UBE3D: variants seen among roughly 807,000 people sequenced by gnomAD.
UBE3D encodes E3 ubiquitin-protein ligase E3D.
UBE3D carries 48 observed loss-of-function variants against 49.6 expected under a neutral mutation model. The ratio of observed to expected loss-of-function variants is 0.97; its 90% CI spans 0.77 to 1.23. UBE3D has a LOEUF of 1.23. Among genes scored for constraint, UBE3D ranks in the 50% most tolerant of loss-of-function variants. The pLI, the probability that UBE3D is intolerant of heterozygous loss-of-function variation, is 0.00. For synonymous variants in UBE3D, 189 were observed against 174.2 expected, an observed-to-expected ratio of 1.08 and a Z score of -0.67; for missense variants, 452 against 468.4, an observed-to-expected ratio of 0.96 and a Z score of 0.32.
chr6:82,968,475 C>T (rs1005072075), intron 8 of UBE3D, among the ~76,000 whole-genome samples: 2 of 152,168 alleles, frequency 1.3e-5, no homozygotes, highest in African/African-American at 4.8e-5. Flanking sequence ...TCTTTTCTCC[C>T]AGTTTTCTTT....
intron 9 of UBE3D, among the ~76,000 whole-genome samples, chr6:82,906,012 C>A (rs1582298213): frequency 1.3e-5 from 2 of 152,114 alleles, no homozygotes; most frequent in Non-Finnish European, 2.9e-5. Flanking sequence ...CAGTATATAT[C>A]TTTAAAAGAG....
At chr6:82,908,604 G>T (rs1044996183) in intron 9 of UBE3D, among the ~76,000 whole-genome samples, 11 of 152,172 alleles carry the variant, frequency 7.2e-5, no homozygotes, top group African/African-American at 2.7e-4. Context: ...TGTGGTTGAA[G>T]ATTGGGGGAA....
At chr6:83,009,903 AT>A (rs1422877619) in intron 8 of UBE3D, among the ~76,000 whole-genome samples, 3 of 151,498 alleles carry the variant, frequency 2.0e-5, no homozygotes, top group Non-Finnish European at 2.9e-5. Context: ...ATAATACCCT[AT>A]TTTTTTAAGG....
intron 9 of UBE3D, among the ~76,000 whole-genome samples, chr6:82,956,835 A>G (rs1776188818): frequency 6.6e-6 from 1 of 152,184 alleles, no homozygotes. Flanking sequence ...ATTTAAAAAG[A>G]GATAGACAAA....
intron 9 of UBE3D, among the ~76,000 whole-genome samples, chr6:82,948,789 G>C (rs1457853757): frequency 2.6e-5 from 4 of 151,776 alleles, no homozygotes; most frequent in Non-Finnish European, 5.9e-5. Context: ...ATTAATGTTG[G>C]TGCTAAAAAT....
At chr6:83,033,199 C>A (rs1296656211) in intron 5 of UBE3D, among the ~76,000 whole-genome samples, 1 of 152,178 alleles carries the variant, frequency 6.6e-6, no homozygotes, top group African/African-American at 2.4e-5. Context: ...TTTTAAAAAA[C>A]CAGATCTCAT....
At chr6:83,044,693 A>G in intron 3 of UBE3D, 34 bp from the exon 4 acceptor site, 3 of 1,457,330 alleles carry the variant, frequency 2.1e-6, no homozygotes, top group Non-Finnish European at 2.9e-6. Flanking sequence ...TTTTCACAGA[A>G]CAAAATGATA....
intron 9 of UBE3D, among the ~76,000 whole-genome samples, chr6:82,911,011 T>C (rs1309725280): frequency 6.6e-6 from 1 of 152,100 alleles, no homozygotes; most frequent in East Asian, 1.9e-4. Flanking sequence ...GATGCATTCT[T>C]AGAAGACAAA....
chr6:82,957,521 A>AAG, intron 8 of UBE3D, 71 bp from the exon 9 acceptor site: 1 of 1,501,308 alleles, frequency 6.7e-7, no homozygotes, highest in Non-Finnish European at 8.9e-7. Context: ...GATATGAAAG[A>AAG]AGAAAACTCA....
At chr6:82,904,681 C>T (rs7749503) in intron 9 of UBE3D, among the ~76,000 whole-genome samples, 6,298 of 152,208 alleles carry the variant, frequency 0.041, 412 homozygotes, top group African/African-American at 0.14. Flanking sequence ...TTGCTGTCTG[C>T]TGCTAATGAA....
At chr6:82,946,271 CAAAT>C (rs1389961654) in intron 9 of UBE3D, among the ~76,000 whole-genome samples, 1 of 151,894 alleles carries the variant, frequency 6.6e-6, no homozygotes, top group Non-Finnish European at 1.5e-5. Flanking sequence ...AGAAAAGTAA[CAAAT>C]AACATACAAT....
chr6:82,966,943 C>T (rs1410323180), intron 8 of UBE3D, among the ~76,000 whole-genome samples: 1 of 152,100 alleles, frequency 6.6e-6, no homozygotes, highest in Non-Finnish European at 1.5e-5. Flanking sequence ...TACTTGCAAA[C>T]AAAATGTGAG....
intron 8 of UBE3D, among the ~76,000 whole-genome samples, chr6:83,006,625 A>G (rs1779999469): frequency 6.6e-6 from 1 of 152,188 alleles, no homozygotes; most frequent in Admixed American, 6.5e-5. Context: ...TTAGACTTTT[A>G]GCCTCCAGAA....
chr6:83,005,754 G>A (rs553711012), intron 8 of UBE3D, among the ~76,000 whole-genome samples: 4 of 152,124 alleles, frequency 2.6e-5, no homozygotes, highest in East Asian at 3.9e-4. Flanking sequence ...ACTGACAGAC[G>A]AAAAGATAAA....
At chr6:82,889,100 T>C (rs1427263545), downstream of UBE3D, among the ~76,000 whole-genome samples, 1 of 152,208 alleles carries the variant, frequency 6.6e-6, no homozygotes, top group Non-Finnish European at 1.5e-5. Context: ...AACTCTTAAA[T>C]AAGCATCTAG....
intron 2 of UBE3D, among the ~76,000 whole-genome samples, chr6:83,055,805 T>C (rs1783780594): frequency 6.6e-6 from 1 of 152,190 alleles, no homozygotes; most frequent in East Asian, 1.9e-4. Context: ...TAAAAAACCC[T>C]GAAACACAAA....
intron 9 of UBE3D, among the ~76,000 whole-genome samples, chr6:82,952,061 G>A (rs1193995092): frequency 6.6e-6 from 1 of 152,162 alleles, no homozygotes; most frequent in Non-Finnish European, 1.5e-5. Context: ...TCAACTAGGA[G>A]GATCACACTA....
downstream of UBE3D, among the ~76,000 whole-genome samples, chr6:82,887,981 A>G (rs1770919127): frequency 6.6e-6 from 1 of 152,060 alleles, no homozygotes; most frequent in South Asian, 2.1e-4. Context: ...GGTGTGGGAA[A>G]TGTAAGGGGA....
chr6:82,959,871 G>A lies in UBE3D; in HGVS notation c.1011-2421C>T, dbSNP rs545603112. ...AGTCCCAAACAGGGTGCTCCTACAG[G>A]CCTCCCAGGGTCCTGTTAGTGGAAG... On this transcript the variant is annotated intron_variant, in intron 8 of 9. Coordinates refer to ENST00000369747, the MANE Select transcript of UBE3D (RefSeq NM_198920.3). 2.6e-5 allele frequency among the ~76,000 whole-genome samples: 4 copies of A among 152,072 alleles called. No homozygotes were observed. The South Asian group carries it at 8.3e-4, about 32-fold the overall frequency.
Sources: gnomAD v4.1 joint callset for allele counts (sites outside exome capture counted in the v4.1 genomes callset) on GRCh38, gnomAD v4.1.1 for gene constraint, MANE v1.5 for transcripts, NCBI Gene and HGNC (gene_info 2026-07-23, HGNC 2026-07-21) for gene names.